The following WASHC3 variants were observed in gnomAD, a reference collection of about 807,000 sequenced individuals.
WASHC3 encodes the protein WASH complex subunit 3, also known as WASH complex subunit CCDC53.
Under a neutral mutation model 26.1 loss-of-function variants are expected in WASHC3, and 24 were observed. That is an observed-to-expected ratio of 0.92 (90% CI 0.66 to 1.29). The LOEUF (loss-of-function observed/expected upper bound fraction) is 1.29. Ranked by LOEUF, WASHC3 falls within the 50% of genes most tolerant of loss-of-function variation. The probability of loss-of-function intolerance (pLI) is 0.00; values close to 1 mark genes in which losing one functional copy is unlikely to be tolerated. For synonymous variants in WASHC3, 77 were observed against 75.7 expected (o/e 1.02, Z -0.09); for missense variants, 214 against 229.6 (o/e 0.93, Z 0.44).
intron 6 of WASHC3, among the ~76,000 whole-genome samples, chr12:102,024,181 C>G (rs766267089): frequency 1.3e-5 from 2 of 152,100 alleles, no homozygotes; most frequent in African/African-American, 2.4e-5. Context: ...AGAGAGGAAG[C>G]TAGTGAGAGA....
intron 5 of WASHC3, among the ~76,000 whole-genome samples, chr12:102,033,662 T>G (rs1594357464): frequency 1.3e-5 from 2 of 152,072 alleles, no homozygotes; most frequent in South Asian, 4.1e-4. Flanking sequence ...AGATGGTTAT[T>G]CTTAAGATCT....
Position 102,061,327 on chromosome 12 carries a change from TTC to T in WASHC3, c.69_70del (p.Arg25AsnfsTer24). On this transcript the variant is annotated frameshift_variant, in exon 2 of 7. Coordinates refer to ENST00000240079, the MANE Select transcript of WASHC3 (RefSeq NM_016053.4). LOFTEE classifies it high-confidence loss of function. ...TTGGTTTAGAAAAGCCACCGTTCTT[TTC>T]TGTTGAATAGCTGGCACCTGTGTTA... The T allele has an allele frequency of 3.1e-6, 5 of 1,613,260 alleles. No homozygotes were observed. The highest frequency in any genetic ancestry group is 4.2e-6 in the Non-Finnish European group (5 of 1,179,238).
intron 5 of WASHC3, among the ~76,000 whole-genome samples, chr12:102,033,742 G>T (rs1877534141): frequency 6.6e-6 from 1 of 151,104 alleles, no homozygotes; most frequent in African/African-American, 2.4e-5. Context: ...TTTTCAGAAA[G>T]AGTTTTTTTT....
At chr12:102,051,278 G>A (rs571271726) in intron 2 of WASHC3, among the ~76,000 whole-genome samples, 1 of 151,718 alleles carries the variant, frequency 6.6e-6, no homozygotes, top group African/African-American at 2.4e-5. Context: ...AACAGTTGAG[G>A]TTCCTCTTTT....
intron 5 of WASHC3, among the ~76,000 whole-genome samples, chr12:102,039,190 G>A (rs1205997867): frequency 6.9e-6 from 1 of 144,650 alleles, no homozygotes; most frequent in African/African-American, 2.6e-5. Flanking sequence ...TGCCCAGGCT[G>A]GTCTCAAACT....
chr12:102,035,377 G>A (rs1006332735), intron 5 of WASHC3, among the ~76,000 whole-genome samples: 3 of 152,160 alleles, frequency 2.0e-5, no homozygotes, highest in Non-Finnish European at 4.4e-5. Context: ...AAATTCCTGG[G>A]CATTGTCAAA....
chr12:102,015,995 T>G lies in WASHC3; in HGVS notation c.501-2803A>C, dbSNP rs550138407. Among the ~76,000 whole-genome samples the G allele has an allele frequency of 1.5e-3, 230 of 152,298 alleles. 1 individual carries two copies. The highest frequency in any genetic ancestry group is 2.2e-3 in the Non-Finnish European group (149 of 68,016). ...ACCTCTGCCTTCTGGGTTCAAGAGA[T>G]TCTCCTGTCTCAGTCTCCTGAGTAG... On this transcript the variant is annotated intron_variant, in intron 6 of 6. Coordinates refer to ENST00000240079, the MANE Select transcript of WASHC3 (RefSeq NM_016053.4).
At chr12:102,039,239 G>T (rs939993597) in intron 5 of WASHC3, among the ~76,000 whole-genome samples, 3 of 149,562 alleles carry the variant, frequency 2.0e-5, no homozygotes, top group Non-Finnish European at 4.4e-5. Flanking sequence ...GCCTCCCAAA[G>T]TGCTAGGATT....
intron 6 of WASHC3, chr12:102,019,510 A>G: frequency 5.3e-6 from 1 of 189,276 alleles, no homozygotes; most frequent in Non-Finnish European, 1.1e-5. Context: ...ACTTTATAAT[A>G]GTCTCTTGTT....
At chr12:102,046,726 T>C (rs1878183371) in intron 2 of WASHC3, among the ~76,000 whole-genome samples, 1 of 152,228 alleles carries the variant, frequency 6.6e-6, no homozygotes, top group Non-Finnish European at 1.5e-5. Context: ...TGTTTACTAC[T>C]GTACCTTTAG....
At chr12:102,050,525 C>T (rs1273405373) in intron 2 of WASHC3, 1 of 448,606 alleles carries the variant, frequency 2.2e-6, no homozygotes, top group South Asian at 1.6e-5. Context: ...TGCCTATAGT[C>T]CAAGCTTCTA....
At chr12:102,061,491 A>T in intron 1 of WASHC3, 145 bp from the exon 2 acceptor site, 1 of 651,996 alleles carries the variant, frequency 1.5e-6, no homozygotes, top group Non-Finnish European at 2.8e-6. Flanking sequence ...CTTGTTTCCT[A>T]AGCTGTGGGT....
chr12:102,042,466 T>C (rs566761651), intron 4 of WASHC3, among the ~76,000 whole-genome samples: 15 of 152,178 alleles, frequency 9.9e-5, no homozygotes, highest in Admixed American at 3.3e-4. Flanking sequence ...TATAGTGTAG[T>C]GAAGCAGGTA....
intron 2 of WASHC3, among the ~76,000 whole-genome samples, chr12:102,053,798 T>C (rs1878485221): frequency 6.6e-6 from 1 of 152,172 alleles, no homozygotes; most frequent in Non-Finnish European, 1.5e-5. Flanking sequence ...TACAGTCAAA[T>C]TCAGAATATT....
At chr12:102,059,043 T>C (rs1878702501) in intron 2 of WASHC3, among the ~76,000 whole-genome samples, 1 of 152,074 alleles carries the variant, frequency 6.6e-6, no homozygotes, top group Non-Finnish European at 1.5e-5. Context: ...AGCAGGGGCT[T>C]GGGGTTAAGA....
intron 6 of WASHC3, among the ~76,000 whole-genome samples, chr12:102,025,022 T>C (rs1041721131): frequency 6.6e-6 from 1 of 152,172 alleles, no homozygotes; most frequent in African/African-American, 2.4e-5. Flanking sequence ...TTTGTTCTTG[T>C]AGACTTTAAA....
intron 6 of WASHC3, among the ~76,000 whole-genome samples, chr12:102,020,953 G>A (rs1474837131): frequency 1.3e-5 from 2 of 152,138 alleles, no homozygotes; most frequent in East Asian, 3.9e-4. Context: ...ATGGTGGCAT[G>A]TGCCTGTAAT....
At position 102,061,236 on chromosome 12, in the gene WASHC3, C is replaced by T. The variant is rs374994338; in HGVS notation, c.150+12G>A. The T allele has an allele frequency of 5.3e-5, 84 of 1,587,576 alleles. 1 individual carries two copies. The highest frequency in any genetic ancestry group is 5.0e-4 in the Middle Eastern group (3 of 6,000). Reference sequence around the variant, plus strand: ...TCCAGGCGACTCTATAAACCAGTATCACCGGACCTACCTCCTCACAAACTG... The same window carrying T: ...TCCAGGCGACTCTATAAACCAGTATTACCGGACCTACCTCCTCACAAACTG... On this transcript the variant is annotated intron_variant, in intron 2 of 6. Coordinates refer to ENST00000240079, the MANE Select transcript of WASHC3 (RefSeq NM_016053.4).
At chr12:102,020,341 T>G (rs2121330462) in intron 6 of WASHC3, among the ~76,000 whole-genome samples, 1 of 152,320 alleles carries the variant, frequency 6.6e-6, no homozygotes, top group African/African-American at 2.4e-5. Flanking sequence ...ACTGAGTCCC[T>G]AGATCCTGTC....
Sources: gnomAD v4.1 joint callset for allele counts (sites outside exome capture counted in the v4.1 genomes callset) on GRCh38, gnomAD v4.1.1 for gene constraint, MANE v1.5 for transcripts, NCBI Gene and HGNC (gene_info 2026-07-23, HGNC 2026-07-21) for gene names.